Variants in XPO4 observed in about 807,000 individuals in gnomAD.
XPO4 encodes exportin-4.
In XPO4, 39 loss-of-function variants were observed where a neutral mutation model predicts 143.0. That is an observed-to-expected ratio of 0.27 (90% CI 0.21 to 0.36). The LOEUF (loss-of-function observed/expected upper bound fraction) is 0.36, where lower values mean the gene tolerates loss of function less well. XPO4 is among the 10% of genes least tolerant of loss of function. The pLI is 1.00. For synonymous variants in XPO4, 439 were observed against 474.0 expected, an observed-to-expected ratio of 0.93 and a Z score of 0.96; for missense variants, 907 against 1,348.0, an observed-to-expected ratio of 0.67 and a Z score of 5.12.
chr13:20,846,241 CTAAT>C (rs953597129), intron 4 of XPO4, among the ~76,000 whole-genome samples: 3 of 152,184 alleles, frequency 2.0e-5, no homozygotes, highest in African/African-American at 4.8e-5. Flanking sequence ...GAACATCTCT[CTAAT>C]TAATGATCAC....
At chr13:20,824,792 C>T (rs2059763753) in intron 7 of XPO4, among the ~76,000 whole-genome samples, 1 of 152,128 alleles carries the variant, frequency 6.6e-6, no homozygotes, top group African/African-American at 2.4e-5. Context: ...CAAGGATATG[C>T]ATCAAGAAAA....
At position 20,781,704 on chromosome 13, in the gene XPO4, C is replaced by T. The variant is rs2059146036; in HGVS notation, c.*2018G>A. On this transcript the variant is annotated 3_prime_UTR_variant, in exon 23 of 23. Coordinates refer to ENST00000255305, the MANE Select transcript of XPO4 (RefSeq NM_022459.5). ...ACTTGATTATAGTTTTGTCATGGCG[C>T]GTGGACCTGTCCAGTCAATTGTGTG... The T allele has an allele frequency of 6.6e-6, 1 of 152,070 alleles. No homozygotes were observed. Among genetic ancestry groups the T allele is most frequent in the African/African-American group, 2.4e-5 (1 of 41,402 alleles). The allele number at this position is 152,070 out of a possible 1,614,324, so 9.4% of individuals were successfully genotyped here.
chr13:20,796,910 C>A lies in XPO4; in HGVS notation c.2470G>T (p.Val824Leu), dbSNP rs991872216. The A allele has an allele frequency of 5.0e-5, 81 of 1,614,004 alleles. No homozygotes were observed. The highest frequency in any genetic ancestry group is 6.5e-5 in the Non-Finnish European group (77 of 1,180,030). ...ATTAAAAAATTAAACAGGATTGCTA[C>A]GTTGTCAATCTGGGTAGCCTCAGCA... ...GIAEATQIDNVAILFNFLMDF... is the reference protein window; with the variant it reads ...GIAEATQIDNLAILFNFLMDF... Residue 824 changes from valine (V) to leucine (L), a missense_variant, in exon 17 of 23, where the codon GTA (valine) becomes TTA (leucine). By Grantham distance (32) the Val-to-Leu change is conservative. Coordinates refer to ENST00000255305, the MANE Select transcript of XPO4 (RefSeq NM_022459.5).
rs1221789221 is a variant in XPO4, at chr13:20,782,317, G to C, written c.*1405C>G. On this transcript the variant is annotated 3_prime_UTR_variant, in exon 23 of 23. Coordinates refer to ENST00000255305, the MANE Select transcript of XPO4 (RefSeq NM_022459.5). ...GTGCCAGAGTCCTCTACCTGTCACT[G>C]TGCTGTGAAAGTACTGCAATGAGTG... is the stretch of plus-strand genomic sequence containing the variant. 1 of 152,218 alleles carries C rather than the reference G, an allele frequency of 6.6e-6. No individual in the cohort carries two copies. The highest frequency in any genetic ancestry group is 1.5e-5 in the Non-Finnish European group (1 of 68,044). The allele number at this position is 152,218 out of a possible 1,614,324, so 9.4% of individuals were successfully genotyped here. A position where few individuals can be genotyped will look rare whatever the true frequency, so the allele number is the denominator to read the frequency against.
chr13:20,896,318 T>C (rs2060568918), intron 1 of XPO4, among the ~76,000 whole-genome samples: 1 of 152,200 alleles, frequency 6.6e-6, no homozygotes, highest in Non-Finnish European at 1.5e-5. Context: ...TATATTCAAT[T>C]TAGAGATGAA....
intron 22 of XPO4, among the ~76,000 whole-genome samples, 169 bp from the exon 23 acceptor site, chr13:20,784,088 A>T (rs1305533254): frequency 1.3e-5 from 2 of 152,192 alleles, no homozygotes; most frequent in Admixed American, 6.5e-5. Flanking sequence ...TTTTACATGG[A>T]TTAATTCATC....
chr13:20,868,752 A>T, intron 1 of XPO4, 51 bp from the exon 2 acceptor site: 1 of 1,520,172 alleles, frequency 6.6e-7, no homozygotes, highest in African/African-American at 1.4e-5. Flanking sequence ...ACAAAGCTTA[A>T]ATAATATCAA....
intron 1 of XPO4, among the ~76,000 whole-genome samples, chr13:20,874,991 C>T (rs1052731489): frequency 1.6e-5 from 2 of 126,556 alleles, no homozygotes; most frequent in African/African-American, 5.1e-5. Flanking sequence ...GAGACTCCGT[C>T]TCAAAAAAAA....
intron 2 of XPO4, 122 bp from the exon 3 acceptor site, chr13:20,862,980 T>C (rs2060215524): frequency 6.7e-7 from 1 of 1,494,720 alleles, no homozygotes; most frequent in Admixed American, 2.2e-5. Flanking sequence ...TGTTCTTTTT[T>C]TTATCCAGTG....
At chr13:20,834,820 G>T (rs1396662314) in intron 6 of XPO4, among the ~76,000 whole-genome samples, 1 of 152,128 alleles carries the variant, frequency 6.6e-6, no homozygotes, top group South Asian at 2.1e-4. Context: ...AATTAGCCAG[G>T]TGTGGTGATG....
At chr13:20,822,385 T>C (rs2137962009) in intron 7 of XPO4, 96 bp from the exon 8 acceptor site, 3 of 1,044,304 alleles carry the variant, frequency 2.9e-6, no homozygotes, top group East Asian at 2.6e-5. Context: ...AAATTCACTG[T>C]AGCTGGTTAT....
chr13:20,787,643 T>C (rs1442440338), intron 20 of XPO4, 45 bp from the exon 21 acceptor site: 2 of 1,529,954 alleles, frequency 1.3e-6, no homozygotes, highest in East Asian at 4.5e-5. Flanking sequence ...ATATATTCGA[T>C]TTATAAAAGA....
intron 6 of XPO4, among the ~76,000 whole-genome samples, chr13:20,838,558 C>T (rs1326140921): frequency 2.7e-5 from 4 of 148,148 alleles, no homozygotes; most frequent in Non-Finnish European, 4.4e-5. Context: ...TGTAGTGAGC[C>T]GAGATCATGC....
intron 1 of XPO4, among the ~76,000 whole-genome samples, chr13:20,886,398 G>T (rs1228670840): frequency 6.6e-6 from 1 of 151,976 alleles, no homozygotes; most frequent in Non-Finnish European, 1.5e-5. Flanking sequence ...GATCACTTGA[G>T]GTTGAGAGTT....
At chr13:20,873,236 C>T (rs1046632192) in intron 1 of XPO4, among the ~76,000 whole-genome samples, 2 of 152,224 alleles carry the variant, frequency 1.3e-5, no homozygotes, top group Admixed American at 1.3e-4. Flanking sequence ...GCTCAGTTGC[C>T]TTCAGTTCAC....
chr13:20,890,761 T>C (rs1296386999), intron 1 of XPO4, among the ~76,000 whole-genome samples: 1 of 137,660 alleles, frequency 7.3e-6, no homozygotes, highest in Non-Finnish European at 1.5e-5. Context: ...ATTGCGCAAC[T>C]GCACTCCAGC....
chr13:20,868,409 A>G (rs1047640950), intron 2 of XPO4, 187 bp downstream of exon 2: 9 of 984,076 alleles, frequency 9.1e-6, no homozygotes, highest in Non-Finnish European at 1.2e-5. Flanking sequence ...CAAAGTAAAA[A>G]CAAAGTTTCC....
intron 9 of XPO4, among the ~76,000 whole-genome samples, chr13:20,818,635 A>T (rs1055475212): frequency 1.2e-4 from 19 of 152,246 alleles, no homozygotes; most frequent in Admixed American, 7.2e-4. Context: ...TTTAAAAAAT[A>T]ATTTTAAAAA....
rs1186952344 is a variant in XPO4, at chr13:20,863,152, T to A, written c.176-294A>T. The A allele has an allele frequency of 8.8e-6, 9 of 1,027,942 alleles. No homozygotes were observed. In the East Asian group the frequency reaches 3.6e-4, roughly 41 times the overall value. 63.7% of individuals were successfully genotyped at this position (1,027,942 alleles called of 1,614,324 possible). ...AAAAATAACACAGCTTTAAAAAAAA[T>A]AAAAATAAAAATATAAAGCAATCAG... is the stretch of plus-strand genomic sequence containing the variant. On this transcript the variant is annotated intron_variant, in intron 2 of 22. Transcript: ENST00000255305.
Sources: gnomAD v4.1 joint callset for allele counts (sites outside exome capture counted in the v4.1 genomes callset) on GRCh38, gnomAD v4.1.1 for gene constraint, MANE v1.5 for transcripts, NCBI Gene and HGNC (gene_info 2026-07-23, HGNC 2026-07-21) for gene names.